ELF5: variants seen among roughly 807,000 people sequenced by gnomAD.
ELF5 encodes the protein ETS-related transcription factor Elf-5.
Under a neutral mutation model 38.2 loss-of-function variants are expected in ELF5, and 31 were observed. The observed-to-expected ratio is 0.81, with a 90% CI of 0.61 to 1.10. The LOEUF (loss-of-function observed/expected upper bound fraction) is 1.10. Ranked by LOEUF, ELF5 falls within the 50% of genes least tolerant of loss-of-function variation. ELF5 has a pLI of 0.00. For synonymous variants in ELF5, 121 were observed against 112.5 expected (o/e 1.08, Z -0.48); for missense variants, 300 against 306.6 (o/e 0.98, Z 0.16).
chr11:34,480,127 G>C lies in ELF5; in HGVS notation c.*91C>G. 9.6e-7 allele frequency: 1 copy of C among 1,043,962 alleles called. No individual in the cohort carries two copies. Among genetic ancestry groups the C allele is most frequent in the Non-Finnish European group, 1.4e-6 (1 of 700,586 alleles). 64.7% of individuals were successfully genotyped at this position (1,043,962 alleles called of 1,614,324 possible). On this transcript the variant is annotated 3_prime_UTR_variant, in exon 7 of 7. Coordinates refer to ENST00000257832, the MANE Select transcript of ELF5 (RefSeq NM_001422.4). ...AGCATGTTTGCAGGTTAAAAAAAAA[G>C]AGAAGAAAATGAAGCCTTTCGAATG...
At chr11:34,508,563 C>T (rs1256429686) in intron 1 of ELF5, among the ~76,000 whole-genome samples, 2 of 151,992 alleles carry the variant, frequency 1.3e-5, no homozygotes, top group Non-Finnish European at 2.9e-5. Context: ...TAAGTGGTTA[C>T]ATTTTAAGTG....
chr11:34,487,160 G>A (rs1301353748), intron 4 of ELF5, among the ~76,000 whole-genome samples: 2 of 152,126 alleles, frequency 1.3e-5, no homozygotes, highest in Non-Finnish European at 2.9e-5. Context: ...TGGTCCTCAG[G>A]GGTCTCGGGG....
At chr11:34,499,736 C>G (rs1850410596) in intron 2 of ELF5, among the ~76,000 whole-genome samples, 1 of 152,162 alleles carries the variant, frequency 6.6e-6, no homozygotes, top group Non-Finnish European at 1.5e-5. Flanking sequence ...GAATTCTGTA[C>G]AAGAATCCAA....
chr11:34,497,612 T>C (rs1850349308), intron 2 of ELF5, among the ~76,000 whole-genome samples: 1 of 152,200 alleles, frequency 6.6e-6, no homozygotes, highest in African/African-American at 2.4e-5. Context: ...TGTCTATGCC[T>C]GAAGTGGCCC....
intron 4 of ELF5, among the ~76,000 whole-genome samples, chr11:34,485,793 T>C (rs528351978): frequency 4.7e-4 from 72 of 152,284 alleles, no homozygotes; most frequent in Middle Eastern, 3.4e-3. Flanking sequence ...ATTACTGCAA[T>C]GTTAATACTG....
chr11:34,489,492 A>G (rs1049676365), intron 4 of ELF5, among the ~76,000 whole-genome samples: 2 of 152,182 alleles, frequency 1.3e-5, no homozygotes, highest in African/African-American at 4.8e-5. Context: ...CCCTTTCCCG[A>G]GCCTTCTTCA....
intron 1 of ELF5, chr11:34,511,861 C>T (rs1362412748): frequency 4.4e-6 from 2 of 453,740 alleles, no homozygotes; most frequent in Non-Finnish European, 4.0e-6. Context: ...ATCAACTTCA[C>T]TCTGGGCATG....
chr11:34,507,824 G>A (rs1389927835), intron 1 of ELF5, among the ~76,000 whole-genome samples: 1 of 152,200 alleles, frequency 6.6e-6, no homozygotes, highest in African/African-American at 2.4e-5. Context: ...CCACTGGTAA[G>A]TGTCTTGGGA....
Position 34,480,333 on chromosome 11 carries a change from G to T in ELF5, c.672-19C>A. On this transcript the variant is annotated intron_variant, in intron 6 of 6. Coordinates refer to ENST00000257832, the MANE Select transcript of ELF5 (RefSeq NM_001422.4). ...GTAGTATCTGAAAAAGCAAGCAGAA[G>T]AGAAATTCTGGGAGAGCTTGCACCC... 6.3e-7 allele frequency: 1 copy of T among 1,594,258 alleles called. No individual in the cohort carries two copies. The highest frequency in any genetic ancestry group is 8.6e-7 in the Non-Finnish European group (1 of 1,162,432).
rs192872369 is a variant in ELF5, at chr11:34,508,118, G to T, written c.-4-2365C>A. ...ATATTTAAGCATTTGAATAAAAATGGTTCATGCGCCACCTAAATCAGGGGT... is the reference window on the plus strand; with the variant it reads ...ATATTTAAGCATTTGAATAAAAATGTTTCATGCGCCACCTAAATCAGGGGT... On this transcript the variant is annotated intron_variant, in intron 1 of 6. Coordinates refer to ENST00000257832, the MANE Select transcript of ELF5 (RefSeq NM_001422.4). Among the ~76,000 whole-genome samples, 373 of 152,194 alleles carry T rather than the reference G, an allele frequency of 2.5e-3. 4 individuals are homozygous for T. Among genetic ancestry groups the T allele is most frequent in the Middle Eastern group, 0.01 (3 of 294 alleles).
intron 1 of ELF5, among the ~76,000 whole-genome samples, chr11:34,507,395 CT>C (rs1172540682): frequency 5.3e-5 from 8 of 152,358 alleles, no homozygotes; most frequent in African/African-American, 1.9e-4. Flanking sequence ...GATGGAGGCT[CT>C]GAGATTCCGG....
intron 4 of ELF5, among the ~76,000 whole-genome samples, chr11:34,489,449 T>C (rs917648180): frequency 3.9e-5 from 6 of 152,160 alleles, no homozygotes; most frequent in African/African-American, 9.7e-5. Flanking sequence ...GTAATCATCA[T>C]TGTCATCTTT....
chr11:34,479,140 G>A lies in ELF5; in HGVS notation c.*1078C>T, dbSNP rs1323690. 0.34 allele frequency: 51,375 copies of A among 152,544 alleles called. 9,290 individuals are homozygous for A. The highest frequency in any genetic ancestry group is 0.5 in the South Asian group (2,389 of 4,824). The allele number at this position is 152,544 out of a possible 1,614,324, so 9.4% of individuals were successfully genotyped here. ...TTGTCAAGGAAATACGTGTTATAGC[G>A]CTTGAATACACATCAGGTAGAAAGA... On this transcript the variant is annotated 3_prime_UTR_variant, in exon 7 of 7. Transcript: ENST00000257832.
intron 1 of ELF5, chr11:34,511,463 G>C (rs1005456119): frequency 3.1e-6 from 5 of 1,590,678 alleles, no homozygotes; most frequent in Non-Finnish European, 4.3e-6. Flanking sequence ...CTAGTAAGTA[G>C]GAAAAGCTCA....
intron 6 of ELF5, among the ~76,000 whole-genome samples, 192 bp downstream of exon 6, chr11:34,480,580 G>A (rs1165506076): frequency 6.6e-6 from 1 of 152,162 alleles, no homozygotes; most frequent in Non-Finnish European, 1.5e-5. Flanking sequence ...CCTGGGGAAT[G>A]CTGCCAAGAA....
intron 1 of ELF5, among the ~76,000 whole-genome samples, chr11:34,512,736 C>G (rs1265877576): frequency 6.6e-6 from 1 of 152,158 alleles, no homozygotes; most frequent in Non-Finnish European, 1.5e-5. Context: ...GATGACCAAA[C>G]TGAAAACTCC....
chr11:34,492,395 ATCC>A (rs1373432093), intron 3 of ELF5: 2 of 152,328 alleles, frequency 1.3e-5, no homozygotes, highest in Middle Eastern at 3.4e-3. Context: ...GCGCTGTCAT[ATCC>A]TCCTCTTCAA....
chr11:34,510,465 C>T (rs144009919), intron 1 of ELF5, among the ~76,000 whole-genome samples: 1 of 152,152 alleles, frequency 6.6e-6, no homozygotes, highest in African/African-American at 2.4e-5. Flanking sequence ...TCTAGGCCCT[C>T]TAAGGTCCTT....
intron 1 of ELF5, among the ~76,000 whole-genome samples, chr11:34,508,706 C>T (rs1297258704): frequency 1.3e-5 from 2 of 152,128 alleles, no homozygotes; most frequent in African/African-American, 2.4e-5. Flanking sequence ...GATGTGAGTA[C>T]CACGTGTTGG....
Sources: gnomAD v4.1 joint callset for allele counts (sites outside exome capture counted in the v4.1 genomes callset) on GRCh38, gnomAD v4.1.1 for gene constraint, MANE v1.5 for transcripts, NCBI Gene and HGNC (gene_info 2026-07-23, HGNC 2026-07-21) for gene names.